The following SEM1 variants were observed in gnomAD, a reference collection of about 807,000 sequenced individuals.
SEM1 encodes 26S proteasome complex subunit SEM1.
Under a neutral mutation model 12.7 loss-of-function variants are expected in SEM1, and 3 were observed. The ratio of observed to expected loss-of-function variants is 0.24; its 90% confidence interval spans 0.11 to 0.61. SEM1 has a LOEUF of 0.61. Among genes scored for constraint, SEM1 ranks in the 20% least tolerant of loss-of-function variants. The pLI is 0.88. For missense variants in SEM1, 59 were observed against 81.3 expected, an observed-to-expected ratio of 0.73 and a Z score of 1.06; for synonymous variants, 30 against 27.8, an observed-to-expected ratio of 1.08 and a Z score of -0.25.
At chr7:96,552,670 T>C (rs1805322768) in intron 2 of SEM1, among the ~76,000 whole-genome samples, 2 of 150,810 alleles carry the variant, frequency 1.3e-5, no homozygotes, top group Admixed American at 6.6e-5. Flanking sequence ...TGTGTCTTTA[T>C]AGCAGCATGA....
At chr7:96,613,530 C>T (rs1486906899) in intron 2 of SEM1, among the ~76,000 whole-genome samples, 1 of 152,060 alleles carries the variant, frequency 6.6e-6, no homozygotes, top group African/African-American at 2.4e-5. Context: ...AAATAATTAT[C>T]ATTTCTTTGT....
chr7:96,619,326 G>A (rs1807813723), downstream of SEM1, among the ~76,000 whole-genome samples: 1 of 152,166 alleles, frequency 6.6e-6, no homozygotes, highest in South Asian at 2.1e-4. Context: ...GGTGCCAGCA[G>A]TAGTGTGATT....
At chr7:96,508,362 A>G (rs10085588) in intron 2 of SEM1, among the ~76,000 whole-genome samples, 108,947 of 151,966 alleles carry the variant, frequency 0.72, 39,502 homozygotes, top group East Asian at 0.87. Context: ...AAAGAAGAGA[A>G]GCAATGATAT....
At chr7:96,492,759 A>ATGTGTGTGTG (rs138520257) in intron 1 of SEM1, among the ~76,000 whole-genome samples, 8 of 142,898 alleles carry the variant, frequency 5.6e-5, no homozygotes, top group African/African-American at 2.1e-4. Context: ...AATAATATTC[A>ATGTGTGTGTG]TGTGTGTGTG....
chr7:96,682,754 A>T (rs1035797547), intron 2 of SEM1, among the ~76,000 whole-genome samples: 1 of 151,984 alleles, frequency 6.6e-6, no homozygotes, highest in African/African-American at 2.4e-5. Flanking sequence ...AATGGGAGAA[A>T]ATGTTTGCAA....
At chr7:96,595,630 ATTC>A in intron 2 of SEM1, among the ~76,000 whole-genome samples, 1 of 152,096 alleles carries the variant, frequency 6.6e-6, no homozygotes, top group East Asian at 1.9e-4. Flanking sequence ...AAGTCATGTT[ATTC>A]TTCTTTGTTT....
intron 2 of SEM1, among the ~76,000 whole-genome samples, chr7:96,674,507 C>A (rs566026383): frequency 4.8e-4 from 73 of 151,342 alleles, no homozygotes; most frequent in Middle Eastern, 3.4e-3. Flanking sequence ...AACAAACAAA[C>A]AAAAAAATTA....
chr7:96,677,683 G>A (rs1789488427), intron 2 of SEM1, among the ~76,000 whole-genome samples: 1 of 152,040 alleles, frequency 6.6e-6, no homozygotes, highest in Non-Finnish European at 1.5e-5. Flanking sequence ...TGAATGGACA[G>A]TTTTCCTCAT....
intron 2 of SEM1, among the ~76,000 whole-genome samples, chr7:96,554,948 T>G (rs1264422510): frequency 8.1e-6 from 1 of 123,912 alleles, no homozygotes; most frequent in African/African-American, 2.6e-5. Flanking sequence ...GTCCAGAAAT[T>G]TATCCTTTTC....
chr7:96,568,100 G>A (rs1380859467), intron 2 of SEM1, among the ~76,000 whole-genome samples: 1 of 151,638 alleles, frequency 6.6e-6, no homozygotes. Context: ...GACATTTTGG[G>A]TAGGCTTCAG....
chr7:96,566,574 A>C (rs1471197039), intron 2 of SEM1, among the ~76,000 whole-genome samples: 1 of 151,536 alleles, frequency 6.6e-6, no homozygotes, highest in East Asian at 1.9e-4. Context: ...GCATATTACA[A>C]ATATTCTTCC....
intron 3 of SEM1, among the ~76,000 whole-genome samples, chr7:96,505,921 G>A (rs951066176): frequency 3.2e-4 from 48 of 152,090 alleles, no homozygotes; most frequent in African/African-American, 1.1e-3. Context: ...AATATATAGG[G>A]AACCTGGGAT....
chr7:96,541,347 T>C (rs1563052716), intron 2 of SEM1, among the ~76,000 whole-genome samples: 1 of 151,820 alleles, frequency 6.6e-6, no homozygotes, highest in South Asian at 2.1e-4. Context: ...TTAGTGATGC[T>C]GAACGTTTTT....
intron 2 of SEM1, chr7:96,653,792 G>C (rs1809083025): frequency 6.6e-6 from 1 of 152,212 alleles, no homozygotes; most frequent in Non-Finnish European, 1.5e-5. Context: ...AACAAGGCAG[G>C]AATGCAAGCC....
chr7:96,544,764 C>A (rs1298054486), intron 2 of SEM1, among the ~76,000 whole-genome samples: 2 of 151,752 alleles, frequency 1.3e-5, no homozygotes, highest in African/African-American at 4.8e-5. Flanking sequence ...ATAAACTAAG[C>A]TAGAGAACAA....
chr7:96,502,391 T>G (rs1461382404), intron 3 of SEM1, among the ~76,000 whole-genome samples: 2 of 152,106 alleles, frequency 1.3e-5, no homozygotes, highest in Non-Finnish European at 2.9e-5. Flanking sequence ...GTAGTGGCAG[T>G]CTGAAACACT....
At chr7:96,486,561 A>G in intron 1 of SEM1, 1 of 659,714 alleles carries the variant, frequency 1.5e-6, no homozygotes, top group Admixed American at 2.7e-5. Context: ...AACCAAAAGC[A>G]GTGTAAGAGC....
intron 2 of SEM1, among the ~76,000 whole-genome samples, chr7:96,538,965 G>A (rs1217276750): frequency 2.0e-5 from 3 of 151,854 alleles, no homozygotes; most frequent in Admixed American, 2.0e-4. Context: ...TGCTATGGTT[G>A]CTATAAATAA....
chr7:96,684,845 C>T (rs1436717488), downstream of SEM1, among the ~76,000 whole-genome samples: 7 of 152,000 alleles, frequency 4.6e-5, no homozygotes, highest in Admixed American at 3.9e-4. Context: ...TGGAATCATA[C>T]ATGTGGAATT....
Sources: gnomAD v4.1 joint callset for allele counts (sites outside exome capture counted in the v4.1 genomes callset) on GRCh38, gnomAD v4.1.1 for gene constraint, MANE v1.5 for transcripts, NCBI Gene and HGNC (gene_info 2026-07-23, HGNC 2026-07-21) for gene names.